Variants in RBPJ observed in about 807,000 individuals in gnomAD.
RBPJ encodes recombining binding protein suppressor of hairless.
In RBPJ, 9 loss-of-function variants were observed where a neutral mutation model predicts 67.8. The observed-to-expected ratio is 0.13, with a 90% CI of 0.08 to 0.23. RBPJ has a LOEUF of 0.23. Ranked by LOEUF, RBPJ falls within the 10% of genes least tolerant of loss-of-function variation. RBPJ has a pLI of 1.00. For synonymous variants in RBPJ, 198 were observed against 203.3 expected (o/e 0.97, Z 0.22); for missense variants, 305 against 595.6 (o/e 0.51, Z 5.08).
rs1052323671 is a variant in RBPJ, at chr4:26,430,222, A to C, written c.1044+169A>C. On this transcript the variant is annotated intron_variant, in intron 9 of 10. Coordinates refer to ENST00000355476, the MANE Select transcript of RBPJ (RefSeq NM_015874.6). The surrounding 1 kb of genome is among the most constrained non-coding windows in gnomAD (Gnocchi z 4.1). ...AAGAAAAAAAAACAAAATTAGGAGG[A>C]GCGTACTTGCCAGAAAATTTAAATG... is the stretch of plus-strand genomic sequence containing the variant. 1 of 887,332 alleles carries C rather than the reference A, an allele frequency of 1.1e-6. No homozygotes were observed. 55.0% of individuals were successfully genotyped at this position (887,332 alleles called of 1,614,324 possible).
chr4:26,337,073 C>T (rs1325457169), intron 1 of RBPJ, among the ~76,000 whole-genome samples: 4 of 151,994 alleles, frequency 2.6e-5, no homozygotes, highest in East Asian at 1.9e-4. Flanking sequence ...GCGATTCTCC[C>T]GCCTCAGCCT....
At chr4:26,149,330 T>A in the RBPJ span, among the ~76,000 whole-genome samples, 1 of 152,206 alleles carries the variant, frequency 6.6e-6, no homozygotes, top group Non-Finnish European at 1.5e-5. Flanking sequence ...GGCAATTTAT[T>A]ACTGTCCTGC....
chr4:26,380,315 G>A (rs1577566700), intron 1 of RBPJ, among the ~76,000 whole-genome samples: 1 of 152,090 alleles, frequency 6.6e-6, no homozygotes, highest in East Asian at 1.9e-4. Flanking sequence ...TGTTGTAATA[G>A]CATATTAGGT....
At chr4:26,361,574 T>G (rs75347999) in intron 1 of RBPJ, among the ~76,000 whole-genome samples, 2,793 of 152,206 alleles carry the variant, frequency 0.018, 35 homozygotes, top group Non-Finnish European at 0.027. Flanking sequence ...TAGGAAGCTC[T>G]TTTTATGGCT....
At chr4:26,254,552 C>T (rs1720227147) in intron 1 of RBPJ, among the ~76,000 whole-genome samples, 1 of 148,798 alleles carries the variant, frequency 6.7e-6, no homozygotes, top group African/African-American at 2.6e-5. Context: ...TTCTTTAAAG[C>T]ACTCAATACT....
intron 1 of RBPJ, among the ~76,000 whole-genome samples, chr4:26,292,662 G>A (rs1445887377): frequency 1.3e-5 from 2 of 150,220 alleles, no homozygotes; most frequent in African/African-American, 4.9e-5. Flanking sequence ...CCTCAAGTGA[G>A]CCACCTGCCT....
At chr4:26,129,597 C>T in the RBPJ span, among the ~76,000 whole-genome samples, 1 of 152,230 alleles carries the variant, frequency 6.6e-6, no homozygotes, top group African/African-American at 2.4e-5. Flanking sequence ...TATGAACTTA[C>T]TGTCCCTTAC....
At chr4:26,205,357 C>T (rs1718133127) in intron 1 of RBPJ, among the ~76,000 whole-genome samples, 1 of 152,180 alleles carries the variant, frequency 6.6e-6, no homozygotes, top group African/African-American at 2.4e-5. Context: ...GCCCATGAGG[C>T]TGGATTAGCA....
At chr4:26,126,551 T>C in the RBPJ span, among the ~76,000 whole-genome samples, 1 of 152,268 alleles carries the variant, frequency 6.6e-6, no homozygotes. Flanking sequence ...AACTTGGCTC[T>C]AGCTGTAGGT....
At chr4:26,422,361 G>A (rs1424560203) in intron 5 of RBPJ, among the ~76,000 whole-genome samples, 4 of 152,054 alleles carry the variant, frequency 2.6e-5, no homozygotes, top group Non-Finnish European at 4.4e-5. Flanking sequence ...GCTGCAAAAT[G>A]GTGATATTCT....
At chr4:26,110,273 G>A in the RBPJ span, among the ~76,000 whole-genome samples, 65 of 152,274 alleles carry the variant, frequency 4.3e-4, no homozygotes, top group Middle Eastern at 6.8e-3. The surrounding 1 kb of genome is among the most constrained non-coding windows in gnomAD (Gnocchi z 4.5). Flanking sequence ...AGCATAGGGG[G>A]ACAGGAGGAG....
At chr4:26,118,205 C>A in the RBPJ span, among the ~76,000 whole-genome samples, 1 of 152,116 alleles carries the variant, frequency 6.6e-6, no homozygotes, top group Non-Finnish European at 1.5e-5. Context: ...CAGAGGGATG[C>A]AAAGGGTTCA....
chr4:26,116,321 G>A, the RBPJ span, among the ~76,000 whole-genome samples: 1 of 152,202 alleles, frequency 6.6e-6, no homozygotes, highest in African/African-American at 2.4e-5. Flanking sequence ...CTCATTATAT[G>A]GAATGCCCGG....
At chr4:26,258,995 G>T (rs560394052) in intron 1 of RBPJ, among the ~76,000 whole-genome samples, 3 of 151,916 alleles carry the variant, frequency 2.0e-5, no homozygotes, top group Non-Finnish European at 4.4e-5. Flanking sequence ...GTAGAGATGG[G>T]GTTTCACCAT....
chr4:26,425,155 T>G (rs1408693781), intron 7 of RBPJ, among the ~76,000 whole-genome samples: 1 of 152,202 alleles, frequency 6.6e-6, no homozygotes, highest in African/African-American at 2.4e-5. Context: ...GAAGACATTC[T>G]TATTTCTTTT....
At chr4:26,348,819 C>T (rs1577492240) in intron 1 of RBPJ, among the ~76,000 whole-genome samples, 1 of 150,632 alleles carries the variant, frequency 6.6e-6, no homozygotes, top group Non-Finnish European at 1.5e-5. Flanking sequence ...TCCTTCTGCC[C>T]TAGTCTCCCA....
intron 1 of RBPJ, among the ~76,000 whole-genome samples, chr4:26,206,079 T>G (rs1303912710): frequency 1.3e-5 from 2 of 152,156 alleles, no homozygotes; most frequent in Admixed American, 6.5e-5. Context: ...GTAGTCTACG[T>G]GAAAACACTA....
chr4:26,373,862 A>G (rs1729414774), intron 1 of RBPJ, among the ~76,000 whole-genome samples: 1 of 151,906 alleles, frequency 6.6e-6, no homozygotes, highest in Non-Finnish European at 1.5e-5. Flanking sequence ...TGTGGCACCC[A>G]TAACAGATGT....
chr4:26,114,191 G>A, the RBPJ span, among the ~76,000 whole-genome samples: 1 of 152,114 alleles, frequency 6.6e-6, no homozygotes, highest in Non-Finnish European at 1.5e-5. Flanking sequence ...TGGCGTGTTG[G>A]CTCATGCCTG....
Sources: gnomAD v4.1 joint callset for allele counts (sites outside exome capture counted in the v4.1 genomes callset) on GRCh38, gnomAD v4.1.1 for gene constraint, Gnocchi (gnomAD v3.1) non-coding constraint, MANE v1.5 for transcripts, NCBI Gene and HGNC (gene_info 2026-07-23, HGNC 2026-07-21) for gene names.